Variants in SPINK13 observed in about 807,000 individuals in gnomAD.
The protein encoded by SPINK13 is serine peptidase inhibitor Kazal type 13, also known as serine protease inhibitor Kazal-type 13.
Under a neutral mutation model 11.0 loss-of-function variants are expected in SPINK13, and 11 were observed. The ratio of observed to expected loss-of-function variants is 1.00; its 90% confidence interval spans 0.63 to 1.65. The LOEUF is 1.65. Ranked by LOEUF, SPINK13 falls within the 40% of genes most tolerant of loss-of-function variation. SPINK13 has a pLI of 0.00. For synonymous variants in SPINK13, 31 were observed against 35.6 expected (o/e 0.87, Z 0.46); for missense variants, 113 against 117.7 (o/e 0.96, Z 0.19).
At chr5:148,271,099 A>C (rs1038001001) in intron 2 of SPINK13, among the ~76,000 whole-genome samples, 25 of 152,376 alleles carry the variant, frequency 1.6e-4, no homozygotes, top group Admixed American at 1.1e-3. Flanking sequence ...ATTACAGATT[A>C]GTAAAGCAGA....
At position 148,270,105 on chromosome 5, in the gene SPINK13, C is replaced by G; in HGVS notation, c.33C>G (p.Phe11Leu). ...CCTTTCCCCACAAGATTATATTTTT[C>G]CTGGTATGCTCTACTTTGACACATG... MAAFPHKIIF[F>L]LVCSTLTHVA... The change falls in exon 2 of 5, where the codon TTC becomes TTG. Residue 11 changes from phenylalanine (F) to leucine (L), a missense_variant. Coordinates refer to ENST00000398450, the MANE Select transcript of SPINK13 (RefSeq NM_001040129.3). The G allele has an allele frequency of 6.2e-7, 1 of 1,613,992 alleles. No homozygotes were observed.
Position 148,282,141 on chromosome 5 carries a change from A to G in SPINK13, c.146A>G (p.Tyr49Cys), listed in dbSNP as rs1191042538. 1 of 1,614,112 alleles carries G rather than the reference A, an allele frequency of 6.2e-7. No homozygotes were observed. The highest frequency in any genetic ancestry group is 8.5e-7 in the Non-Finnish European group (1 of 1,180,048). ...CKMYIPLDPD[Y>C]NADCPNVTAP... is the part of the protein sequence containing the mutation. ...ATGTATATCCCACTGGACCCTGATTACAATGCAGACTGCCCCAATGTGACA... is the reference window on the plus strand; with the variant it reads ...ATGTATATCCCACTGGACCCTGATTGCAATGCAGACTGCCCCAATGTGACA... Residue 49 changes from tyrosine to cysteine, a missense_variant, in exon 4 of 5, where the codon TAC becomes TGC. Tyr to Cys is a radical substitution (Grantham distance 194). Coordinates refer to ENST00000398450, the MANE Select transcript of SPINK13 (RefSeq NM_001040129.3).
intron 3 of SPINK13, among the ~76,000 whole-genome samples, chr5:148,280,855 C>T (rs60697678): frequency 0.096 from 14,625 of 152,224 alleles, 1,889 homozygotes; most frequent in African/African-American, 0.28. Flanking sequence ...CAGGCAGGAA[C>T]GTTTAAGTCT....
In SPINK13 at chr5:148,283,538, A is replaced by G. The variant is rs73278567; in HGVS notation, c.236+1307A>G. On this transcript the variant is annotated intron_variant, in intron 4 of 4. Coordinates refer to ENST00000398450, the MANE Select transcript of SPINK13 (RefSeq NM_001040129.3). ...ATGAGCTTCTAGTATCATGCTTTCA[A>G]TGAGGATTATTCCATTTCAGAGGAT... is the stretch of plus-strand genomic sequence containing the variant. 7.7e-3 allele frequency among the ~76,000 whole-genome samples: 1,169 copies of G among 152,288 alleles called. 20 individuals carry two copies. Among genetic ancestry groups the G allele is most frequent in the African/African-American group, 0.027 (1,122 of 41,558 alleles).
intron 4 of SPINK13, among the ~76,000 whole-genome samples, chr5:148,283,976 G>C (rs919095172): frequency 6.6e-6 from 1 of 152,142 alleles, no homozygotes; most frequent in African/African-American, 2.4e-5. Context: ...ATTCCTTTCA[G>C]GCTCATCTAG....
rs1241409940 is a variant in SPINK13, at chr5:148,282,148, A to C, written c.153A>C (p.Ala51=). Residue 51 remains alanine (A), a synonymous_variant, in exon 4 of 5, where the codon GCA becomes GCC. Transcript: ENST00000398450. ...MYIPLDPDYN[A]DCPNVTAPVC... Reference sequence around the variant, plus strand: ...TCCCACTGGACCCTGATTACAATGCAGACTGCCCCAATGTGACAGCACCTG... The same window carrying C: ...TCCCACTGGACCCTGATTACAATGCCGACTGCCCCAATGTGACAGCACCTG... 1 of 1,614,224 alleles carries C rather than the reference A, an allele frequency of 6.2e-7. No individual in the cohort carries two copies. Among genetic ancestry groups the C allele is most frequent in the East Asian group, 2.2e-5 (1 of 44,874 alleles).
chr5:148,269,832 G>A (rs572167545), intron 1 of SPINK13, among the ~76,000 whole-genome samples: 1 of 148,666 alleles, frequency 6.7e-6, no homozygotes, highest in South Asian at 2.1e-4. Flanking sequence ...CTAGTTTTTG[G>A]CAGAAAAAAA....
At chr5:148,278,388 C>T (rs1756463365) in intron 3 of SPINK13, among the ~76,000 whole-genome samples, 1 of 152,242 alleles carries the variant, frequency 6.6e-6, no homozygotes. Flanking sequence ...ATCTTTCCCA[C>T]TTTCTCCTGT....
intron 4 of SPINK13, among the ~76,000 whole-genome samples, chr5:148,283,238 T>A (rs565162932): frequency 2.0e-4 from 31 of 152,164 alleles, no homozygotes; most frequent in Non-Finnish European, 3.8e-4. Context: ...AATACCTACA[T>A]GGCTGATCTT....
At chr5:148,274,099 A>T (rs968254482) in intron 2 of SPINK13, among the ~76,000 whole-genome samples, 3 of 152,202 alleles carry the variant, frequency 2.0e-5, no homozygotes, top group Non-Finnish European at 4.4e-5. Context: ...TATATATACA[A>T]CCTCAGTTTT....
chr5:148,272,396 G>A (rs542612132), intron 2 of SPINK13, among the ~76,000 whole-genome samples: 1 of 152,258 alleles, frequency 6.6e-6, no homozygotes, highest in East Asian at 1.9e-4. Flanking sequence ...AGTTTCAGAT[G>A]ATGGTGCAAT....
Position 148,285,263 on chromosome 5 carries a change from G to A in SPINK13, c.237-737G>A, listed in dbSNP as rs561025014. On this transcript the variant is annotated intron_variant, in intron 4 of 4. Transcript: ENST00000398450. ...CACTAGGCTCCAAGCATTTATGTTT[G>A]CAATTCCTGAACCAAATAAGTGCAT... is the stretch of plus-strand genomic sequence containing the variant. Among the ~76,000 whole-genome samples, 7 of 152,212 alleles carry A rather than the reference G, an allele frequency of 4.6e-5. No individual in the cohort carries two copies. In the South Asian group the frequency reaches 1.2e-3, roughly 27 times the overall value.
intron 4 of SPINK13, among the ~76,000 whole-genome samples, chr5:148,284,308 T>C (rs1756560862): frequency 6.6e-6 from 1 of 151,922 alleles, no homozygotes; most frequent in South Asian, 2.1e-4. Flanking sequence ...CCTTCCTTCC[T>C]TCCTTCCTTC....
chr5:148,285,031 G>A (rs145016238), intron 4 of SPINK13, among the ~76,000 whole-genome samples: 1,570 of 152,184 alleles, frequency 0.01, 21 homozygotes, highest in Non-Finnish European at 0.016. Flanking sequence ...GTTTTAATAC[G>A]TTTTGAAATC....
At chr5:148,281,929 A>G (rs1435941645) in intron 3 of SPINK13, among the ~76,000 whole-genome samples, 175 bp from the exon 4 acceptor site, 1 of 152,240 alleles carries the variant, frequency 6.6e-6, no homozygotes, top group Non-Finnish European at 1.5e-5. Context: ...GGGTGGGGAC[A>G]CTACAATCAG....
At chr5:148,282,299 G>A (rs900945056) in intron 4 of SPINK13, 68 bp downstream of exon 4, 3 of 1,587,790 alleles carry the variant, frequency 1.9e-6, no homozygotes, top group Non-Finnish European at 2.6e-6. Context: ...AAGAAACATA[G>A]TCAAGGAATT....
At chr5:148,283,384 G>C (rs1204371309) in intron 4 of SPINK13, among the ~76,000 whole-genome samples, 1 of 152,156 alleles carries the variant, frequency 6.6e-6, no homozygotes, top group African/African-American at 2.4e-5. Context: ...CCCAGGTCCT[G>C]GATATACAAA....
intron 2 of SPINK13, among the ~76,000 whole-genome samples, chr5:148,271,362 C>T (rs56688181): frequency 0.1 from 15,526 of 152,150 alleles, 2,134 homozygotes; most frequent in African/African-American, 0.3. Flanking sequence ...TTGCAAAAAT[C>T]TAGACTACTG....
intron 2 of SPINK13, among the ~76,000 whole-genome samples, chr5:148,272,230 T>C (rs1199540139): frequency 2.0e-5 from 3 of 152,316 alleles, no homozygotes; most frequent in Admixed American, 2.0e-4. Context: ...CTTAGGTATA[T>C]ATCTGGAGTA....
Sources: allele counts gnomAD v4.1 joint callset (sites outside exome capture counted in the v4.1 genomes callset), GRCh38; gene constraint gnomAD v4.1.1; transcripts MANE v1.5; gene names NCBI Gene and HGNC (gene_info 2026-07-23, HGNC 2026-07-21).